The following MTUS2 variants were observed in gnomAD, a reference collection of about 807,000 sequenced individuals.
The protein encoded by MTUS2 is microtubule-associated tumor suppressor candidate 2.
In MTUS2, 40 loss-of-function variants were observed where a neutral mutation model predicts 114.1. The ratio of observed to expected loss-of-function variants is 0.35; its 90% CI spans 0.27 to 0.46. The LOEUF is 0.46. MTUS2 is among the 20% of genes least tolerant of loss of function. The pLI is 1.00. For synonymous variants in MTUS2, 688 were observed against 672.0 expected, an observed-to-expected ratio of 1.02 and a Z score of -0.37; for missense variants, 1,679 against 1,705.4, an observed-to-expected ratio of 0.98 and a Z score of 0.27.
intron 5 of MTUS2, among the ~76,000 whole-genome samples, chr13:29,148,520 C>A (rs1892535959): frequency 1.6e-5 from 1 of 60,690 alleles, no homozygotes; most frequent in Non-Finnish European, 5.0e-5. Flanking sequence ...GCTCTGTCGC[C>A]CAGGCTGGAG....
chr13:28,986,600 C>G (rs1482138850), intron 2 of MTUS2, among the ~76,000 whole-genome samples: 5 of 152,212 alleles, frequency 3.3e-5, no homozygotes, highest in African/African-American at 9.7e-5. Flanking sequence ...ATAGAATCCT[C>G]TAACAGCACC....
In MTUS2 at chr13:28,849,603, C is replaced by T. The variant is rs534082882; in HGVS notation, c.-243+9753C>T. Among the ~76,000 whole-genome samples, 8 of 152,290 alleles carry T rather than the reference C, an allele frequency of 5.3e-5. No homozygotes were observed. The East Asian group carries it at 1.5e-3, about 29-fold the overall frequency. ...CACAGACAGATATAACTACAGCCAGCTCAGAAATTACCTTGCACTGCCCCA... is the reference window on the plus strand; with the variant it reads ...CACAGACAGATATAACTACAGCCAGTTCAGAAATTACCTTGCACTGCCCCA... On this transcript the variant is annotated intron_variant, in intron 2 of 15. Coordinates refer to ENST00000612955, the MANE Select transcript of MTUS2 (RefSeq NM_001033602.4).
At chr13:29,284,270 G>T (rs1898386762) in intron 6 of MTUS2, among the ~76,000 whole-genome samples, 1 of 152,078 alleles carries the variant, frequency 6.6e-6, no homozygotes, top group African/African-American at 2.4e-5. Flanking sequence ...ACTAGAAAGT[G>T]ATTTCCAGGA....
At chr13:28,998,983 C>T (rs1052786123) in intron 2 of MTUS2, among the ~76,000 whole-genome samples, 4 of 152,114 alleles carry the variant, frequency 2.6e-5, no homozygotes, top group South Asian at 2.1e-4. Context: ...TTAGAGTTTC[C>T]GGTTTTTCTG....
intron 2 of MTUS2, among the ~76,000 whole-genome samples, chr13:28,998,720 G>C (rs562943626): frequency 2.0e-5 from 3 of 152,254 alleles, no homozygotes; most frequent in African/African-American, 7.2e-5. Flanking sequence ...CGTAGTTCTT[G>C]TGCCATAGTT....
intron 5 of MTUS2, among the ~76,000 whole-genome samples, chr13:29,135,171 T>C (rs1039057136): frequency 9.2e-5 from 14 of 152,160 alleles, no homozygotes; most frequent in Non-Finnish European, 1.9e-4. Flanking sequence ...CACTACCCAC[T>C]TATTAGTCAC....
At chr13:29,475,543 G>C (rs1330831670) in intron 9 of MTUS2, among the ~76,000 whole-genome samples, 1 of 152,204 alleles carries the variant, frequency 6.6e-6, no homozygotes, top group Admixed American at 6.5e-5. Context: ...AGACCTTCCA[G>C]TGGGACAAGA....
chr13:28,988,515 A>C (rs956231831), intron 2 of MTUS2, among the ~76,000 whole-genome samples: 3 of 152,204 alleles, frequency 2.0e-5, no homozygotes, highest in African/African-American at 7.2e-5. Flanking sequence ...TTATTAATTC[A>C]TTTTGGAGAA....
intron 8 of MTUS2, among the ~76,000 whole-genome samples, chr13:29,389,004 C>T (rs1034628122): frequency 6.6e-6 from 1 of 152,044 alleles, no homozygotes; most frequent in Non-Finnish European, 1.5e-5. Context: ...CCACCCACAT[C>T]CATCCACCCC....
intron 2 of MTUS2, among the ~76,000 whole-genome samples, chr13:28,911,985 C>T (rs1338157673): frequency 1.3e-5 from 2 of 151,060 alleles, no homozygotes; most frequent in Non-Finnish European, 2.9e-5. Context: ...TTCTTTTGCT[C>T]TGCAGAAGCC....
At chr13:29,389,254 T>C (rs1410173430) in intron 8 of MTUS2, among the ~76,000 whole-genome samples, 1 of 147,612 alleles carries the variant, frequency 6.8e-6, no homozygotes, top group East Asian at 2.0e-4. Flanking sequence ...TATATATGTA[T>C]ACACATGTGT....
At chr13:29,243,056 C>T (rs1033121228) in intron 5 of MTUS2, among the ~76,000 whole-genome samples, 3 of 152,072 alleles carry the variant, frequency 2.0e-5, no homozygotes, top group African/African-American at 4.8e-5. Flanking sequence ...TGAGACAGAT[C>T]GAATCTGAGA....
At chr13:28,917,280 A>G (rs1880796803) in intron 2 of MTUS2, among the ~76,000 whole-genome samples, 1 of 151,900 alleles carries the variant, frequency 6.6e-6, no homozygotes, top group African/African-American at 2.4e-5. Context: ...TCCTTGTAGA[A>G]TGAATTTGGA....
intron 4 of MTUS2, among the ~76,000 whole-genome samples, chr13:29,097,152 A>AT (rs35349085): frequency 0.67 from 102,100 of 151,910 alleles, 35,017 homozygotes; most frequent in Non-Finnish European, 0.74. Flanking sequence ...TAGAGCTTTC[A>AT]TATATTGTGA....
Position 29,393,306 on chromosome 13 carries a change from G to A in MTUS2, c.3117+33833G>A, listed in dbSNP as rs375214450. Among the ~76,000 whole-genome samples, 440 of 148,222 alleles carry A rather than the reference G, an allele frequency of 3.0e-3. 1 individual carries two copies. Among genetic ancestry groups the A allele is most frequent in the African/African-American group, 0.01 (418 of 40,666 alleles). On this transcript the variant is annotated intron_variant, in intron 8 of 15. Transcript: ENST00000612955. ...ACATGCCATTTGTTTTTCCTTCTCT[G>A]ACAGTAATTTCTGGAGTGACCTTGA...
At chr13:28,832,486 G>A (rs1361719788) in intron 1 of MTUS2, among the ~76,000 whole-genome samples, 2 of 136,042 alleles carry the variant, frequency 1.5e-5, no homozygotes, top group Non-Finnish European at 3.2e-5. Context: ...CTTCTGAGAT[G>A]CAACTAAATC....
At chr13:29,120,233 A>G (rs1891250355) in intron 5 of MTUS2, among the ~76,000 whole-genome samples, 1 of 151,736 alleles carries the variant, frequency 6.6e-6, no homozygotes, top group African/African-American at 2.4e-5. Flanking sequence ...CTAATATTTA[A>G]AAAAGAAACC....
At chr13:28,962,257 A>G (rs1883365335) in intron 2 of MTUS2, among the ~76,000 whole-genome samples, 1 of 152,102 alleles carries the variant, frequency 6.6e-6, no homozygotes, top group Non-Finnish European at 1.5e-5. Flanking sequence ...CCACCAGTCA[A>G]GTCAAGAGTC....
chr13:28,917,217 G>C (rs555392273), intron 2 of MTUS2, among the ~76,000 whole-genome samples: 215 of 151,660 alleles, frequency 1.4e-3, no homozygotes, highest in African/African-American at 4.4e-3. Context: ...ATTGGCCTGT[G>C]GTTTTCTTTT....
Sources: gnomAD v4.1 joint callset for allele counts (sites outside exome capture counted in the v4.1 genomes callset) on GRCh38, gnomAD v4.1.1 for gene constraint, MANE v1.5 for transcripts, NCBI Gene and HGNC (gene_info 2026-07-23, HGNC 2026-07-21) for gene names.